Variants in IKBKB-DT observed in about 807,000 individuals in gnomAD.
IKBKB-DT encodes IKBKB antisense RNA.
At chr8:42,250,469 G>T (rs924081111) in intron 3 of IKBKB-DT, among the ~76,000 whole-genome samples, 2 of 152,188 alleles carry the variant, frequency 1.3e-5, no homozygotes, top group African/African-American at 4.8e-5. Context: ...CAGAATTCAG[G>T]ATCTTCTATC....
intron 3 of IKBKB-DT, among the ~76,000 whole-genome samples, chr8:42,251,972 G>A (rs892591087): frequency 6.6e-6 from 1 of 152,300 alleles, no homozygotes; most frequent in Admixed American, 6.5e-5. Flanking sequence ...CAGACTGAGA[G>A]CCTGTAAAAT....
chr8:42,254,026 C>A (rs1436644732), intron 3 of IKBKB-DT, among the ~76,000 whole-genome samples: 2 of 152,152 alleles, frequency 1.3e-5, no homozygotes, highest in East Asian at 1.9e-4. Context: ...CATGCCAGGG[C>A]AAATATTTAG....
intron 3 of IKBKB-DT, among the ~76,000 whole-genome samples, chr8:42,238,024 CAAAAAA>C (rs35087510): frequency 2.8e-5 from 1 of 35,228 alleles, no homozygotes; most frequent in Non-Finnish European, 8.4e-5. Flanking sequence ...GGCCCTCTCT[CAAAAAA>C]AAAAAAAAAA....
rs999340550 is a variant in IKBKB-DT, at chr8:42,243,936, T to C, written n.1530-10077A>G. On this transcript the variant is annotated intron_variant and non_coding_transcript_variant, in intron 3 of 3. Coordinates refer to ENST00000518213, the Ensembl canonical transcript of IKBKB-DT. Reference sequence around the variant, plus strand: ...AGAAACTGGCTGAACTCAGATGATGTAGGATCACCTAAGCAGATGTGGATT... The same window carrying C: ...AGAAACTGGCTGAACTCAGATGATGCAGGATCACCTAAGCAGATGTGGATT... Among the ~76,000 whole-genome samples the C allele has an allele frequency of 2.0e-5, 3 of 152,204 alleles. 1 individual carries two copies. Among genetic ancestry groups the C allele is most frequent in the Middle Eastern group, 6.3e-3 (2 of 316 alleles).
intron 3 of IKBKB-DT, among the ~76,000 whole-genome samples, chr8:42,238,611 G>A (rs984597500): frequency 1.3e-5 from 2 of 152,176 alleles, no homozygotes; most frequent in East Asian, 3.8e-4. Context: ...GGAGCCAGAG[G>A]TCGTTGAGAT....
chr8:42,251,486 C>G (rs184162458), intron 3 of IKBKB-DT, among the ~76,000 whole-genome samples: 1 of 152,120 alleles, frequency 6.6e-6, no homozygotes, highest in African/African-American at 2.4e-5. Context: ...TGAGCTGGAA[C>G]GTGCCTGTGA....
At chr8:42,235,540 C>T (rs1457033274) in intron 3 of IKBKB-DT, among the ~76,000 whole-genome samples, 1 of 152,052 alleles carries the variant, frequency 6.6e-6, no homozygotes, top group Non-Finnish European at 1.5e-5. Context: ...CAAGTTTTTG[C>T]ATTTCTAACA....
At chr8:42,234,781 C>T (rs538794092) in intron 3 of IKBKB-DT, among the ~76,000 whole-genome samples, 9 of 152,210 alleles carry the variant, frequency 5.9e-5, no homozygotes, top group African/African-American at 2.2e-4. Context: ...AGGTGTCCAC[C>T]ATCACGCCTG....
intron 3 of IKBKB-DT, among the ~76,000 whole-genome samples, chr8:42,259,841 G>T (rs1279703296): frequency 6.6e-6 from 1 of 152,068 alleles, no homozygotes; most frequent in Non-Finnish European, 1.5e-5. Context: ...AATTAGCCAG[G>T]CATAGTGGCA....
chr8:42,253,497 G>C (rs900455067), intron 3 of IKBKB-DT, among the ~76,000 whole-genome samples: 4 of 152,160 alleles, frequency 2.6e-5, no homozygotes, highest in African/African-American at 9.6e-5. Flanking sequence ...CAAGTCAGAA[G>C]GGTTGGAAAA....
Position 42,261,872 on chromosome 8 carries a change from T to A in IKBKB-DT, n.1529+1457A>T, listed in dbSNP as rs553243025. Among the ~76,000 whole-genome samples the A allele has an allele frequency of 2.0e-5, 3 of 152,346 alleles. No individual in the cohort carries two copies. The South Asian group carries it at 6.2e-4, about 32-fold the overall frequency. On this transcript the variant is annotated intron_variant and non_coding_transcript_variant, in intron 3 of 3. Transcript: ENST00000518213. ...TTCCTGGGTGTCCCTGACCTGGTGGTTGGCTGGCCGTATTCTGGGGTGTCC... is the reference window on the plus strand; with the variant it reads ...TTCCTGGGTGTCCCTGACCTGGTGGATGGCTGGCCGTATTCTGGGGTGTCC...
chr8:42,249,927 A>T lies in IKBKB-DT; in HGVS notation n.1529+13402T>A, dbSNP rs537299552. ...CCTCGTCTTCACTAAAAATAAAAAA[A>T]AAAAATTCAGCTGGGTGTGGTGGTG... is the stretch of plus-strand genomic sequence containing the variant. On this transcript the variant is annotated intron_variant and non_coding_transcript_variant, in intron 3 of 3. Coordinates refer to ENST00000518213, the Ensembl canonical transcript of IKBKB-DT. 1.2e-4 allele frequency among the ~76,000 whole-genome samples: 18 copies of T among 152,242 alleles called. No individual in the cohort carries two copies. The South Asian group carries it at 3.3e-3, about 28-fold the overall frequency.
At chr8:42,260,024 A>AGT (rs1183285230) in intron 3 of IKBKB-DT, among the ~76,000 whole-genome samples, 1 of 150,802 alleles carries the variant, frequency 6.6e-6, no homozygotes, top group Non-Finnish European at 1.5e-5. Flanking sequence ...AAAGAGAGAG[A>AGT]GAGAGAGAAG....
At chr8:42,262,346 T>C (rs1323026960) in intron 3 of IKBKB-DT, among the ~76,000 whole-genome samples, 1 of 143,068 alleles carries the variant, frequency 7.0e-6, no homozygotes, top group African/African-American at 2.6e-5. Context: ...AGAAAAGAAA[T>C]AGAAGGCACA....
intron 3 of IKBKB-DT, among the ~76,000 whole-genome samples, chr8:42,250,009 G>A (rs1807111517): frequency 6.6e-6 from 1 of 152,184 alleles, no homozygotes; most frequent in African/African-American, 2.4e-5. Flanking sequence ...ATCAAGGCAG[G>A]GGAATTGCAG....
At chr8:42,244,550 AT>A (rs538004983) in intron 3 of IKBKB-DT, among the ~76,000 whole-genome samples, 43 of 151,836 alleles carry the variant, frequency 2.8e-4, no homozygotes, top group South Asian at 6.3e-4. Context: ...AAGCAATTGA[AT>A]TTTTTTTTAA....
chr8:42,256,718 G>C (rs1807205372), intron 3 of IKBKB-DT, among the ~76,000 whole-genome samples: 1 of 151,968 alleles, frequency 6.6e-6, no homozygotes, highest in Non-Finnish European at 1.5e-5. Context: ...GAAGTTGAAC[G>C]GTATGATCTT....
intron 3 of IKBKB-DT, among the ~76,000 whole-genome samples, chr8:42,241,373 A>G (rs1044177285): frequency 1.3e-5 from 2 of 151,722 alleles, no homozygotes; most frequent in Non-Finnish European, 2.9e-5. Flanking sequence ...TGGCACAGTA[A>G]TAGGAAAAGG....
intron 3 of IKBKB-DT, among the ~76,000 whole-genome samples, chr8:42,240,640 A>G (rs1806989211): frequency 1.3e-5 from 2 of 149,934 alleles, no homozygotes; most frequent in South Asian, 4.2e-4. Flanking sequence ...AAAAAAAAAA[A>G]AAAAAAAAAA....
Sources: allele counts gnomAD v4.1 joint callset (sites outside exome capture counted in the v4.1 genomes callset), GRCh38; gene constraint gnomAD v4.1.1; transcripts MANE v1.5; gene names NCBI Gene and HGNC (gene_info 2026-07-23, HGNC 2026-07-21).